KIAA1958: variants seen among roughly 807,000 people sequenced by gnomAD.
The protein encoded by KIAA1958 is KIAA1958, also known as uncharacterized protein KIAA1958.
In KIAA1958, 14 loss-of-function variants were observed where a neutral mutation model predicts 47.2. The observed-to-expected ratio is 0.30, with a 90% CI of 0.20 to 0.46. KIAA1958 has a LOEUF of 0.46. KIAA1958 is among the 20% of genes least tolerant of loss of function. The probability of loss-of-function intolerance (pLI) is 1.00; values close to 1 mark genes in which losing one functional copy is unlikely to be tolerated. For missense variants in KIAA1958, 803 were observed against 909.2 expected, an observed-to-expected ratio of 0.88 and a Z score of 1.50; for synonymous variants, 354 against 353.3, an observed-to-expected ratio of 1.00 and a Z score of -0.02.
In KIAA1958 at chr9:112,618,144, G is replaced by T. The variant is rs1407428542; in HGVS notation, c.1172-27506G>T. 1 of 1,550,574 alleles carries T rather than the reference G, an allele frequency of 6.4e-7. No homozygotes were observed. Reference sequence around the variant, plus strand: ...AGGTACCTGAAAGAACACAGGTATGGCTATAGCATCACCAGGGATAAGGAA... The same window carrying T: ...AGGTACCTGAAAGAACACAGGTATGTCTATAGCATCACCAGGGATAAGGAA... On this transcript the variant is annotated intron_variant, in intron 2 of 3. Transcript: ENST00000337530. This position sits in a 1 kb window ranked among gnomAD's most constrained non-coding sequence, Gnocchi z 7.1.
intron 2 of KIAA1958, among the ~76,000 whole-genome samples, chr9:112,617,164 A>G (rs750556946): frequency 1.1e-4 from 17 of 152,244 alleles, no homozygotes; most frequent in Non-Finnish European, 1.6e-4. Flanking sequence ...CCTTTTTTAC[A>G]TCTTGACTAT....
chr9:112,539,684 T>TATA (rs1564164535), intron 1 of KIAA1958, among the ~76,000 whole-genome samples: 1 of 150,918 alleles, frequency 6.6e-6, no homozygotes, highest in Admixed American at 6.6e-5. Flanking sequence ...ATATATATAT[T>TATA]TTTTTTGCGG....
chr9:112,491,840 T>A (rs1176774721), intron 1 of KIAA1958, among the ~76,000 whole-genome samples: 1 of 152,194 alleles, frequency 6.6e-6, no homozygotes, highest in Non-Finnish European at 1.5e-5. Context: ...CTTGGTTGGC[T>A]TCTCTTTTTA....
At chr9:112,626,834 A>G (rs1414248272) in intron 2 of KIAA1958, among the ~76,000 whole-genome samples, 1 of 151,906 alleles carries the variant, frequency 6.6e-6, no homozygotes, top group Non-Finnish European at 1.5e-5. Context: ...AAAAAAAAAA[A>G]AACACCTTGC....
At chr9:112,587,924 T>C (rs1296218902) in intron 2 of KIAA1958, among the ~76,000 whole-genome samples, 1 of 152,206 alleles carries the variant, frequency 6.6e-6, no homozygotes, top group East Asian at 1.9e-4. Context: ...AAGATGAGGA[T>C]TTAACTCATT....
chr9:112,657,822 T>C (rs897947514), intron 3 of KIAA1958, among the ~76,000 whole-genome samples: 4 of 152,146 alleles, frequency 2.6e-5, no homozygotes, highest in African/African-American at 9.6e-5. Context: ...AAAGAGCTCA[T>C]TCTGTCAAGA....
intron 2 of KIAA1958, among the ~76,000 whole-genome samples, chr9:112,600,197 A>G (rs1836105056): frequency 6.6e-6 from 1 of 152,150 alleles, no homozygotes; most frequent in South Asian, 2.1e-4. Context: ...ATTCACTTTT[A>G]GTTTTGAGGA....
chr9:112,627,403 G>A (rs1042705019), intron 2 of KIAA1958, among the ~76,000 whole-genome samples: 1 of 152,198 alleles, frequency 6.6e-6, no homozygotes, highest in Non-Finnish European at 1.5e-5. Context: ...AGAGGACTAT[G>A]AGGTGCATAC....
intron 2 of KIAA1958, among the ~76,000 whole-genome samples, chr9:112,593,837 G>GC (rs1479966319): frequency 8.0e-5 from 10 of 124,230 alleles, no homozygotes; most frequent in African/African-American, 3.2e-4. Context: ...AGACTTGTCT[G>GC]TTTTTTGTTT....
At chr9:112,643,163 T>C (rs1836921469) in intron 2 of KIAA1958, among the ~76,000 whole-genome samples, 1 of 152,228 alleles carries the variant, frequency 6.6e-6, no homozygotes, top group African/African-American at 2.4e-5. Flanking sequence ...TTGCATTCTT[T>C]ACTGAGAATT....
At position 112,590,439 on chromosome 9, in the gene KIAA1958, C is replaced by T. The variant is rs917763792; in HGVS notation, c.1171+15188C>T. 9.2e-5 allele frequency among the ~76,000 whole-genome samples: 14 copies of T among 151,914 alleles called. 1 individual carries two copies. The highest frequency in any genetic ancestry group is 1.5e-4 in the African/African-American group (6 of 41,348). On this transcript the variant is annotated intron_variant, in intron 2 of 3. Coordinates refer to ENST00000337530, the MANE Select transcript of KIAA1958 (RefSeq NM_133465.4). ...CGATCTCCGCTCACTGCAACCTCCC[C>T]CTCCCGGGTTCAAGTGATTCTCCTG...
At position 112,667,922 on chromosome 9, in the gene KIAA1958, A is replaced by G. The variant is rs1411103909; in HGVS notation, c.*7853A>G. The G allele has an allele frequency of 1.3e-5, 2 of 152,232 alleles. No homozygotes were observed. Among genetic ancestry groups the G allele is most frequent in the African/African-American group, 4.8e-5 (2 of 41,468 alleles). The allele number at this position is 152,232 out of a possible 1,614,324, so 9.4% of individuals were successfully genotyped here. ...GGACATTATCCACTAGAGGAAGGGTATGTATGCTTTTAAATAGATAATATG... is the reference window on the plus strand; with the variant it reads ...GGACATTATCCACTAGAGGAAGGGTGTGTATGCTTTTAAATAGATAATATG... On this transcript the variant is annotated 3_prime_UTR_variant, in exon 4 of 4. Coordinates refer to ENST00000337530, the MANE Select transcript of KIAA1958 (RefSeq NM_133465.4).
At chr9:112,532,132 A>T (rs1446136786) in intron 1 of KIAA1958, among the ~76,000 whole-genome samples, 1 of 152,128 alleles carries the variant, frequency 6.6e-6, no homozygotes, top group African/African-American at 2.4e-5. Flanking sequence ...GGGGAGGTGA[A>T]TTGAGTTCAT....
intron 1 of KIAA1958, among the ~76,000 whole-genome samples, chr9:112,523,905 C>T (rs1224731132): frequency 5.3e-5 from 8 of 152,168 alleles, no homozygotes; most frequent in African/African-American, 1.9e-4. Context: ...CCTGCTTACT[C>T]TCTCCACCTC....
At chr9:112,502,878 C>T (rs1834167401) in intron 1 of KIAA1958, among the ~76,000 whole-genome samples, 2 of 152,198 alleles carry the variant, frequency 1.3e-5, no homozygotes, top group African/African-American at 4.8e-5. Context: ...CCGATATGTC[C>T]ATCAGTAGGG....
intron 1 of KIAA1958, among the ~76,000 whole-genome samples, chr9:112,554,014 G>A (rs1052087292): frequency 2.6e-5 from 4 of 152,170 alleles, no homozygotes; most frequent in African/African-American, 9.7e-5. Context: ...CAGAGAGGTA[G>A]GAAATAGATG....
chr9:112,564,783 G>C (rs759011668), intron 1 of KIAA1958, among the ~76,000 whole-genome samples: 8 of 152,182 alleles, frequency 5.3e-5, no homozygotes, highest in South Asian at 4.1e-4. Context: ...TTAATTTATA[G>C]GGAACCAGAC....
At chr9:112,658,770 T>C (rs112996338) in intron 3 of KIAA1958, among the ~76,000 whole-genome samples, 1 of 151,614 alleles carries the variant, frequency 6.6e-6, no homozygotes, top group Non-Finnish European at 1.5e-5. Context: ...CCATCCTGGC[T>C]AACACTGTGA....
chr9:112,596,017 T>G (rs1233098652), intron 2 of KIAA1958, among the ~76,000 whole-genome samples: 1 of 152,080 alleles, frequency 6.6e-6, no homozygotes, highest in Non-Finnish European at 1.5e-5. Flanking sequence ...ACTCTTGACC[T>G]CAGGTGATCC....
Sources: allele counts gnomAD v4.1 joint callset (sites outside exome capture counted in the v4.1 genomes callset), GRCh38; gene constraint gnomAD v4.1.1; non-coding constraint Gnocchi (gnomAD v3.1); transcripts MANE v1.5; gene names NCBI Gene and HGNC (gene_info 2026-07-23, HGNC 2026-07-21).